The following COPG2 variants were observed in gnomAD, a reference collection of about 807,000 sequenced individuals.
COPG2 encodes the protein coat protein complex I subunit gamma 2, also known as coatomer subunit gamma-2.
COPG2 carries 37 observed loss-of-function variants against 46.3 expected under a neutral mutation model. The ratio of observed to expected loss-of-function variants is 0.80; its 90% CI spans 0.61 to 1.05. COPG2 has a LOEUF of 1.05. COPG2 is among the 50% of genes least tolerant of loss of function. The probability of loss-of-function intolerance (pLI) is 0.00; values close to 1 mark genes in which losing one functional copy is unlikely to be tolerated. For synonymous variants in COPG2, 159 were observed against 129.7 expected (o/e 1.23, Z -1.53); for missense variants, 427 against 387.8 (o/e 1.10, Z -0.85).
intron 3 of COPG2, among the ~76,000 whole-genome samples, chr7:130,663,730 C>CTTTTTTTTTT (rs71178602): frequency 1.8e-4 from 12 of 67,148 alleles, no homozygotes; most frequent in Admixed American, 2.2e-4. Flanking sequence ...CATTTCTTTT[C>CTTTTTTTTTT]TTTTTTTTTT....
At chr7:130,667,663 T>A in intron 1 of COPG2, 129 bp from the exon 2 acceptor site, 3 of 622,772 alleles carry the variant, frequency 4.8e-6, no homozygotes, top group Non-Finnish European at 8.3e-6. Flanking sequence ...TCATGGCTAA[T>A]ACGCATACGA....
Position 130,668,654 on chromosome 7 carries a change from G to T in COPG2, c.15C>A (p.Phe5Leu). MIKKFDKKDEESGSG... is the reference protein window; with the variant it reads MIKKLDKKDEESGSG... Reference sequence around the variant, plus strand: ...TACCAGACTCCTCGTCCTTCTTGTCGAATTTTTTAATCATCTTGGACGACT... The same window carrying T: ...TACCAGACTCCTCGTCCTTCTTGTCTAATTTTTTAATCATCTTGGACGACT... The change falls in exon 1 of 24, where the codon TTC (phenylalanine) becomes TTA (leucine). Residue 5 changes from phenylalanine (F) to leucine (L), a missense_variant. Coordinates refer to ENST00000425248, the MANE Select transcript of COPG2 (RefSeq NM_012133.6). The T allele has an allele frequency of 6.5e-7, 1 of 1,543,230 alleles. No homozygotes were observed. Among genetic ancestry groups the T allele is most frequent in the Non-Finnish European group, 8.7e-7 (1 of 1,147,026 alleles).
intron 9 of COPG2, among the ~76,000 whole-genome samples, chr7:130,574,851 G>A (rs1563046939): frequency 6.6e-6 from 1 of 151,664 alleles, no homozygotes; most frequent in African/African-American, 2.4e-5. Flanking sequence ...ATTGCTTAAA[G>A]AAAAAAAACA....
chr7:130,530,012 GGA>G (rs1344090003), intron 20 of COPG2, among the ~76,000 whole-genome samples: 1 of 152,172 alleles, frequency 6.6e-6, no homozygotes, highest in African/African-American at 2.4e-5. Flanking sequence ...GGGCCCAGTG[GGA>G]GAGAGTATGC....
intron 22 of COPG2, 54 bp from the exon 23 acceptor site, chr7:130,507,426 C>T (rs1799515281): frequency 1.3e-6 from 1 of 776,970 alleles, no homozygotes; most frequent in African/African-American, 1.7e-5. Context: ...ACAGGGATCT[C>T]CCTCTGCACC....
intron 9 of COPG2, among the ~76,000 whole-genome samples, chr7:130,596,908 G>A (rs919023068): frequency 2.6e-5 from 4 of 152,218 alleles, no homozygotes; most frequent in Admixed American, 6.5e-5. Flanking sequence ...AAAATGGGGT[G>A]CAATGGCCAG....
intron 9 of COPG2, among the ~76,000 whole-genome samples, chr7:130,590,645 G>A (rs1794382996): frequency 6.6e-6 from 1 of 152,056 alleles, no homozygotes; most frequent in East Asian, 1.9e-4. Flanking sequence ...GCCCCCCAAA[G>A]TGCTGAGATT....
chr7:130,565,611 G>A (rs1396451510), intron 9 of COPG2, among the ~76,000 whole-genome samples: 1 of 152,292 alleles, frequency 6.6e-6, no homozygotes, highest in Admixed American at 6.5e-5. Context: ...CCCAGATGTT[G>A]AACTTACTGG....
chr7:130,507,965 A>T, intron 21 of COPG2, 142 bp from the exon 22 acceptor site: 1 of 629,372 alleles, frequency 1.6e-6, no homozygotes, highest in East Asian at 2.6e-5. Context: ...GGATAAATCT[A>T]ATGTTGTAGC....
intron 5 of COPG2, among the ~76,000 whole-genome samples, chr7:130,625,638 C>T (rs1336377372): frequency 2.0e-5 from 3 of 150,820 alleles, no homozygotes; most frequent in Admixed American, 6.6e-5. Flanking sequence ...CTGTTTCTCC[C>T]TTGTCATTTA....
intron 5 of COPG2, among the ~76,000 whole-genome samples, chr7:130,625,669 T>C (rs1795105762): frequency 6.6e-6 from 1 of 150,548 alleles, no homozygotes; most frequent in Admixed American, 6.6e-5. Flanking sequence ...TTATGCTTTC[T>C]CCGTTTTTTT....
intron 8 of COPG2, 119 bp from the exon 9 acceptor site, chr7:130,611,229 A>G: frequency 1.1e-6 from 1 of 899,608 alleles, no homozygotes; most frequent in Non-Finnish European, 1.6e-6. Context: ...GGTCACATGT[A>G]CACAAATATT....
chr7:130,588,053 C>G (rs1452422027), intron 9 of COPG2, among the ~76,000 whole-genome samples: 1 of 151,876 alleles, frequency 6.6e-6, no homozygotes. Flanking sequence ...AAATGCTCAC[C>G]ATCACTGGCC....
At chr7:130,564,468 G>A (rs1176229197) in intron 9 of COPG2, 75 bp from the exon 10 acceptor site, 6 of 398,044 alleles carry the variant, frequency 1.5e-5, no homozygotes, top group African/African-American at 2.1e-5. Context: ...TAAAAGCACA[G>A]GCAGATTGAG....
At chr7:130,608,775 T>C (rs1794783754) in intron 9 of COPG2, among the ~76,000 whole-genome samples, 1 of 152,198 alleles carries the variant, frequency 6.6e-6, no homozygotes, top group Non-Finnish European at 1.5e-5. Context: ...TTTTCAACTT[T>C]TTACTTGTAA....
chr7:130,523,458 T>C (rs985468499), intron 20 of COPG2, among the ~76,000 whole-genome samples: 48,637 of 151,888 alleles, frequency 0.32, 8,524 homozygotes, highest in African/African-American at 0.45. Flanking sequence ...CACTGGTGGA[T>C]GTGGGAGGAT....
intron 2 of COPG2, 116 bp downstream of exon 2, chr7:130,667,366 A>G: frequency 2.5e-6 from 2 of 806,528 alleles, no homozygotes; most frequent in Non-Finnish European, 2.0e-6. Flanking sequence ...TATATTCCCT[A>G]AACTCTGTTA....
intron 4 of COPG2, among the ~76,000 whole-genome samples, chr7:130,659,682 G>C (rs550086793): frequency 6.6e-6 from 1 of 152,278 alleles, no homozygotes; most frequent in African/African-American, 2.4e-5. Flanking sequence ...GGGAGGCCAA[G>C]GCGGGCAGAT....
At chr7:130,627,173 T>C (rs901897113) in intron 5 of COPG2, among the ~76,000 whole-genome samples, 1 of 152,244 alleles carries the variant, frequency 6.6e-6, no homozygotes, top group South Asian at 2.1e-4. Context: ...AATGCTCTTA[T>C]CTTCCCCACT....
Sources: gnomAD v4.1 joint callset for allele counts (sites outside exome capture counted in the v4.1 genomes callset) on GRCh38, gnomAD v4.1.1 for gene constraint, MANE v1.5 for transcripts, NCBI Gene and HGNC (gene_info 2026-07-23, HGNC 2026-07-21) for gene names.